PPIL2: variants seen among roughly 807,000 people sequenced by gnomAD.
PPIL2 encodes the protein RING-type E3 ubiquitin-protein ligase PPIL2.
Under a neutral mutation model 75.2 loss-of-function variants are expected in PPIL2, and 50 were observed. The observed-to-expected ratio is 0.66, with a 90% CI of 0.53 to 0.84. The LOEUF (loss-of-function observed/expected upper bound fraction) is 0.84, where lower values mean the gene tolerates loss of function less well. Among genes scored for constraint, PPIL2 ranks in the 40% least tolerant of loss-of-function variants. PPIL2 has a pLI of 0.00. For missense variants in PPIL2, 590 were observed against 685.0 expected (o/e 0.86, Z 1.55); for synonymous variants, 245 against 258.8 (o/e 0.95, Z 0.51).
Position 21,695,082 on chromosome 22 carries a change from G to C in PPIL2, c.1466+12G>C. On this transcript the variant is annotated intron_variant, in intron 19 of 19. Coordinates refer to ENST00000398831, the MANE Select transcript of PPIL2 (RefSeq NM_014337.4). ...AACCCAGCAGCCACGTGAGTGCCGC[G>C]GGGCTGGCCTCCCTGTTTCCCATGG... The C allele has an allele frequency of 2.5e-6, 4 of 1,590,154 alleles. No homozygotes were observed. The South Asian group carries it at 4.5e-5, about 18-fold the overall frequency.
chr22:21,682,289 G>C, intron 7 of PPIL2, 148 bp from the exon 8 acceptor site: 1 of 669,494 alleles, frequency 1.5e-6, no homozygotes, highest in South Asian at 1.8e-5. Flanking sequence ...ACTGCTTTCA[G>C]CCAGTGGGGT....
At chr22:21,671,143 A>T in intron 4 of PPIL2, 84 bp downstream of exon 4, 2 of 1,368,764 alleles carry the variant, frequency 1.5e-6, no homozygotes, top group Non-Finnish European at 2.1e-6. Flanking sequence ...ACCCTTGGGT[A>T]GGGCTCTTGG....
chr22:21,693,334 C>T (rs2067766899), intron 15 of PPIL2, among the ~76,000 whole-genome samples: 1 of 152,230 alleles, frequency 6.6e-6, no homozygotes, highest in African/African-American at 2.4e-5. Context: ...AGGCGTGAGC[C>T]ACTGTGCCTG....
intron 15 of PPIL2, among the ~76,000 whole-genome samples, chr22:21,693,300 G>A (rs2067765031): frequency 1.3e-5 from 2 of 152,204 alleles, no homozygotes; most frequent in African/African-American, 4.8e-5. Flanking sequence ...TACCTGCCTT[G>A]GCCTCCCAAA....
intron 15 of PPIL2, among the ~76,000 whole-genome samples, chr22:21,692,037 G>C (rs898310724): frequency 6.7e-6 from 1 of 149,490 alleles, no homozygotes. Flanking sequence ...TGCCGCCAGC[G>C]CCGGGACCCA....
chr22:21,675,241 C>A, intron 6 of PPIL2, 126 bp downstream of exon 6: 1 of 908,946 alleles, frequency 1.1e-6, no homozygotes, highest in Non-Finnish European at 1.7e-6. Context: ...TTTAATTCCG[C>A]AAAAAGTGTC....
rs1306558014 is a variant in PPIL2 at position 21,695,854 on chromosome 22, C to T, written c.*364C>T. On this transcript the variant is annotated 3_prime_UTR_variant, in exon 20 of 20. Transcript: ENST00000398831. ...GTTTCCTCTTTAAGACAGGGTCTTG[C>T]TCTGTTGCCCAGGCTCCAGTGCAGT... 2.7e-6 allele frequency: 3 copies of T among 1,130,996 alleles called. No homozygotes were observed. Among genetic ancestry groups the T allele is most frequent in the Non-Finnish European group, 3.3e-6 (3 of 913,634 alleles). The allele number at this position is 1,130,996 out of a possible 1,614,324, so 70.1% of individuals were successfully genotyped here. A position where few individuals can be genotyped will look rare whatever the true frequency, so the allele number is the denominator to read the frequency against.
At chr22:21,687,035 G>T (rs775116333) in intron 12 of PPIL2, 37 bp downstream of exon 12, 1 of 1,564,878 alleles carries the variant, frequency 6.4e-7, no homozygotes, top group Non-Finnish European at 8.8e-7. Context: ...ATGCCCCAAG[G>T]TCATCTCTGG....
At chr22:21,693,063 T>A (rs902829779) in intron 15 of PPIL2, among the ~76,000 whole-genome samples, 73 of 151,968 alleles carry the variant, frequency 4.8e-4, no homozygotes, top group African/African-American at 1.4e-3. Flanking sequence ...TTTCTTTTTC[T>A]TTTTTCTTGA....
intron 1 of PPIL2, among the ~76,000 whole-genome samples, chr22:21,666,872 C>T (rs1375100600): frequency 1.3e-5 from 2 of 152,154 alleles, no homozygotes; most frequent in Non-Finnish European, 2.9e-5. Context: ...ACGTTCCCCT[C>T]CCGCTGCCGC....
chr22:21,696,264 T>C lies in PPIL2; in HGVS notation c.*774T>C, dbSNP rs2067925691. On this transcript the variant is annotated 3_prime_UTR_variant, in exon 20 of 20. Coordinates refer to ENST00000398831, the MANE Select transcript of PPIL2 (RefSeq NM_014337.4). ...TCACCTGCTCTGGCTGTGAACCACC[T>C]GGGCTTCATCTCAAGCCTGCCTGGC... The C allele has an allele frequency of 9.7e-7, 1 of 1,030,844 alleles. No individual in the cohort carries two copies. Among genetic ancestry groups the C allele is most frequent in the South Asian group, 3.6e-5 (1 of 27,792 alleles). The allele number at this position is 1,030,844 out of a possible 1,614,324, so 63.9% of individuals were successfully genotyped here. A position where few individuals can be genotyped will look rare whatever the true frequency, so the allele number is the denominator to read the frequency against.
At chr22:21,666,940 T>A (rs1212534536) in intron 1 of PPIL2, among the ~76,000 whole-genome samples, 1 of 151,730 alleles carries the variant, frequency 6.6e-6, no homozygotes, top group African/African-American at 2.4e-5. Context: ...GTTTTCTGAG[T>A]CTCTTGAAAC....
rs1211719336 is a variant in PPIL2 at position 21,671,023 on chromosome 22, C to T, written c.155C>T (p.Pro52Leu). The part of the protein sequence containing the change: ...CSLSLQPFVY[P>L]VCTPDGIVFD... ...CTCTCTCTGCAGCCCTTTGTCTACC[C>T]AGTCTGCACTCCCGATGGCATCGTC... The change falls in exon 4 of 20, where the codon CCA becomes CTA. Residue 52 changes from proline to leucine, a missense_variant. Physicochemically the swap from Pro to Leu is moderately conservative, Grantham distance 98. Transcript: ENST00000398831. 4.3e-6 allele frequency: 7 copies of T among 1,613,396 alleles called. No homozygotes were observed. The highest frequency in any genetic ancestry group is 5.1e-6 in the Non-Finnish European group (6 of 1,179,284).
intron 6 of PPIL2, among the ~76,000 whole-genome samples, chr22:21,680,343 G>A (rs1227758944): frequency 6.6e-6 from 1 of 152,120 alleles, no homozygotes; most frequent in Non-Finnish European, 1.5e-5. Context: ...TCTGGCCAAG[G>A]TGGTGAAACA....
At chr22:21,687,043 T>G in intron 12 of PPIL2, 45 bp downstream of exon 12, 4 of 1,527,802 alleles carry the variant, frequency 2.6e-6, no homozygotes, top group Non-Finnish European at 3.6e-6. Context: ...AGGTCATCTC[T>G]GGGTCATCTG....
At chr22:21,670,801 G>A (rs928133784) in intron 3 of PPIL2, 190 bp downstream of exon 3, 13 of 833,644 alleles carry the variant, frequency 1.6e-5, no homozygotes, top group Non-Finnish European at 2.4e-5. Flanking sequence ...GTTGGATCCT[G>A]CTCTAGACCT....
At chr22:21,677,432 C>T (rs549674711) in intron 6 of PPIL2, among the ~76,000 whole-genome samples, 20 of 152,336 alleles carry the variant, frequency 1.3e-4, no homozygotes, top group Non-Finnish European at 2.5e-4. Flanking sequence ...AACGAGACTC[C>T]GTCTGCAATC....
intron 1 of PPIL2, among the ~76,000 whole-genome samples, chr22:21,668,837 G>T (rs570466800): frequency 1.7e-4 from 25 of 148,860 alleles, no homozygotes; most frequent in Non-Finnish European, 3.1e-4. Flanking sequence ...TCAGCCTCCC[G>T]AGTAGCTGGG....
rs949535637 is a variant in PPIL2, at chr22:21,697,578, C to G, written c.*2088C>G. The G allele has an allele frequency of 4.5e-5, 7 of 155,082 alleles. No homozygotes were observed. Among genetic ancestry groups the G allele is most frequent in the Non-Finnish European group, 1.0e-4 (7 of 69,958 alleles). 9.6% of individuals were successfully genotyped at this position (155,082 alleles called of 1,614,324 possible). ...AGAAGCTTTATTTGTAAACCTCACA[C>G]AGATAAGGACCAAGGGCTGGCGGTG... On this transcript the variant is annotated 3_prime_UTR_variant, in exon 20 of 20. Coordinates refer to ENST00000398831, the MANE Select transcript of PPIL2 (RefSeq NM_014337.4).
Sources: allele counts gnomAD v4.1 joint callset (sites outside exome capture counted in the v4.1 genomes callset), GRCh38; gene constraint gnomAD v4.1.1; transcripts MANE v1.5; gene names NCBI Gene and HGNC (gene_info 2026-07-23, HGNC 2026-07-21).